TEPSIN: variants seen among roughly 807,000 people sequenced by gnomAD.
The protein encoded by TEPSIN is TEPSIN adaptor related protein complex 4 accessory protein.
TEPSIN carries 50 observed loss-of-function variants against 48.5 expected under a neutral mutation model. The ratio of observed to expected loss-of-function variants is 1.03; its 90% confidence interval spans 0.82 to 1.31. The LOEUF is 1.31. Among genes scored for constraint, TEPSIN ranks in the 50% most tolerant of loss-of-function variants. The pLI, the probability that TEPSIN is intolerant of heterozygous loss-of-function variation, is 0.00. For missense variants in TEPSIN, 838 were observed against 815.9 expected, an observed-to-expected ratio of 1.03 and a Z score of -0.33; for synonymous variants, 392 against 358.8, an observed-to-expected ratio of 1.09 and a Z score of -1.05.
rs1281196949 is a variant in TEPSIN at position 81,229,364 on chromosome 17, G to A, written c.1346C>T (p.Ala449Val). ...LPGPSDLLTD[A>V]VPLPGSQVFL... Reference sequence around the variant, plus strand: ...GACCTGGCTCCCAGGGAGAGGCACAGCGTCGGTCAGCAGGTCAGATGGGCC... The same window carrying A: ...GACCTGGCTCCCAGGGAGAGGCACAACGTCGGTCAGCAGGTCAGATGGGCC... Residue 449 changes from alanine (A) to valine (V), a missense_variant, in exon 13 of 13, where the codon GCT becomes GTT. Transcript: ENST00000637944. 1.9e-6 allele frequency: 3 copies of A among 1,559,826 alleles called. No individual in the cohort carries two copies. The highest frequency in any genetic ancestry group is 2.7e-5 in the African/African-American group (2 of 73,498).
rs890105239 is a variant in TEPSIN, at chr17:81,233,099, C to T, written c.526+333G>A. 36 of 430,878 alleles carry T rather than the reference C, an allele frequency of 8.4e-5. No individual in the cohort carries two copies. Among genetic ancestry groups the T allele is most frequent in the Non-Finnish European group, 1.3e-4 (30 of 238,760 alleles). 26.7% of individuals were successfully genotyped at this position (430,878 alleles called of 1,614,324 possible). On this transcript the variant is annotated intron_variant, in intron 7 of 12. Coordinates refer to ENST00000637944, the MANE Select transcript of TEPSIN (RefSeq NM_001363764.2). The surrounding 1 kb of genome is among the most constrained non-coding windows in gnomAD (Gnocchi z 5.8). ...TGCCCCACCTCATAACAGCTCCACA[C>T]GGGACTGCCTGAGTCACCTGCACCA...
chr17:81,239,055 T>A lies in TEPSIN; in HGVS notation c.-22A>T. The A allele has an allele frequency of 6.7e-7, 1 of 1,484,438 alleles. No individual in the cohort carries two copies. Among genetic ancestry groups the A allele is most frequent in the Non-Finnish European group, 8.9e-7 (1 of 1,123,634 alleles). The allele number at this position is 1,484,438 out of a possible 1,614,324, so 92.0% of individuals were successfully genotyped here. A position where few individuals can be genotyped will look rare whatever the true frequency, so the allele number is the denominator to read the frequency against. The stretch of plus-strand genomic sequence containing the variant: ...CCATGATCCAGGTCCCCTCCCGGTC[T>A]GCCCCGCTTCCGCCAGGCCCGGGCC... On this transcript the variant is annotated 5_prime_UTR_variant, in exon 1 of 13. Coordinates refer to ENST00000637944, the MANE Select transcript of TEPSIN (RefSeq NM_001363764.2).
Position 81,236,711 on chromosome 17 carries a change from C to A in TEPSIN, c.304G>T (p.Ala102Ser), listed in dbSNP as rs2062726681. Reference protein sequence around the residue: ...KRNSAFIQEAAAFAGPPDPLH... With the variant: ...KRNSAFIQEASAFAGPPDPLH... ...AGCGCGTGCGCGGCCCCTGTACCTG[C>A]AGCTTCCTGGATGAAGGCAGAGTTG... Residue 102 changes from alanine (A) to serine (S), a missense_variant, in exon 4 of 13, where the codon GCA (alanine) becomes TCA (serine). By Grantham distance (99) the Ala-to-Ser change is moderately conservative. Transcript: ENST00000637944. The A allele has an allele frequency of 6.4e-7, 1 of 1,561,022 alleles. No homozygotes were observed. The highest frequency in any genetic ancestry group is 1.2e-5 in the South Asian group (1 of 84,702).
intron 4 of TEPSIN, among the ~76,000 whole-genome samples, chr17:81,235,841 C>T (rs913052089): frequency 2.6e-5 from 4 of 152,230 alleles, no homozygotes; most frequent in African/African-American, 9.7e-5. Flanking sequence ...CTGTCTATGG[C>T]GGCCCAGGGC....
At position 81,237,454 on chromosome 17, in the gene TEPSIN, C is replaced by T. The variant is rs748118274; in HGVS notation, c.54G>A (p.Pro18=). 18 of 1,609,068 alleles carry T rather than the reference C, an allele frequency of 1.1e-5. No individual in the cohort carries two copies. The highest frequency in any genetic ancestry group is 2.2e-5 in the East Asian group (1 of 44,826). The change falls in exon 2 of 13, where the codon CCG becomes CCA. Residue 18 remains proline, a synonymous_variant. Coordinates refer to ENST00000637944, the MANE Select transcript of TEPSIN (RefSeq NM_001363764.2). The part of the protein sequence containing the change: ...RDRLSFLHRL[P]ILLKGTSDDD... ...CATCGGACGTCCCCTTCAGGAGAAT[C>T]GGGAGCTGAAAGGGAACAAGAGCCC...
chr17:81,233,837 C>T lies in TEPSIN; in HGVS notation c.376-121G>A, dbSNP rs1361653294. ...TTCTCCTGAGCCACTCAGCTGGACA[C>T]AGGCTCTGTGTCCACCAGCAAGGAG... On this transcript the variant is annotated intron_variant, in intron 5 of 12. Transcript: ENST00000637944. The surrounding 1 kb of genome is among the most constrained non-coding windows in gnomAD (Gnocchi z 5.8). 3 of 1,375,086 alleles carry T rather than the reference C, an allele frequency of 2.2e-6. No individual in the cohort carries two copies. Among genetic ancestry groups the T allele is most frequent in the Admixed American group, 5.2e-5 (2 of 38,718 alleles). 85.2% of individuals were successfully genotyped at this position (1,375,086 alleles called of 1,614,324 possible). A position where few individuals can be genotyped will look rare whatever the true frequency, so the allele number is the denominator to read the frequency against.
intron 2 of TEPSIN, 113 bp from the exon 3 acceptor site, chr17:81,237,184 G>T (rs758885997): frequency 3.2e-6 from 4 of 1,255,344 alleles, no homozygotes; most frequent in Admixed American, 2.1e-5. Context: ...CCTACTGGAG[G>T]CTCTGCCATC....
rs1445430148 is a variant in TEPSIN, at chr17:81,231,988, C to T, written c.764G>A (p.Gly255Asp). The T allele has an allele frequency of 1.2e-6, 2 of 1,611,788 alleles. No individual in the cohort carries two copies. Among genetic ancestry groups the T allele is most frequent in the Non-Finnish European group, 8.5e-7 (1 of 1,179,946 alleles). ...VRHQPGQAGG[G>D]WDELDSGPSS... ...GGGGCCGCTGTCCAGCTCATCCCAG[C>T]CCCCTCCGGCCTGCCCAGGCTGATG... Residue 255 changes from glycine to aspartate, a missense_variant, in exon 9 of 13, where the codon GGC becomes GAC. Physicochemically the swap from Gly to Asp is moderately conservative, Grantham distance 94. Transcript: ENST00000637944.
Position 81,232,502 on chromosome 17 carries a change from G to A in TEPSIN, c.543C>T (p.Ala181=). The A allele has an allele frequency of 6.5e-7, 1 of 1,530,982 alleles. No individual in the cohort carries two copies. Among genetic ancestry groups the A allele is most frequent in the Non-Finnish European group, 8.7e-7 (1 of 1,144,306 alleles). The allele number at this position is 1,530,982 out of a possible 1,614,324, so 94.8% of individuals were successfully genotyped here. Residue 181 remains alanine, a synonymous_variant, in exon 8 of 13, where the codon GCC becomes GCT. Coordinates refer to ENST00000637944, the MANE Select transcript of TEPSIN (RefSeq NM_001363764.2). The part of the protein sequence containing the change: ...EHGRTGSAGE[A]FLSTIQKAAE... ...CGGCCTTCTGGATGGTGGAGAGGAAGGCTTCGCCTGCCGAGCCTGTACCCG... is the reference window on the plus strand; with the variant it reads ...CGGCCTTCTGGATGGTGGAGAGGAAAGCTTCGCCTGCCGAGCCTGTACCCG...
chr17:81,232,880 T>C, intron 7 of TEPSIN: 2 of 249,336 alleles, frequency 8.0e-6, no homozygotes, highest in Non-Finnish European at 1.5e-5. Flanking sequence ...CTGTAGAAGC[T>C]GCCCCGACAC....
intron 7 of TEPSIN, 27 bp from the exon 8 acceptor site, chr17:81,232,545 C>A (rs1013429324): frequency 1.3e-6 from 2 of 1,521,348 alleles, no homozygotes; most frequent in Non-Finnish European, 1.8e-6. Context: ...GGAGATGGGA[C>A]GGCCGCCCAG....
Position 81,233,789 on chromosome 17 carries a change from G to T in TEPSIN, c.376-73C>A. ...TGTACTCACCCTGCCACCCATATCA[G>T]CTCCGTTCTGTCCCCCGGACACTTC... On this transcript the variant is annotated intron_variant, in intron 5 of 12. Transcript: ENST00000637944. The surrounding 1 kb of genome is among the most constrained non-coding windows in gnomAD (Gnocchi z 5.8). 1 of 1,465,822 alleles carries T rather than the reference G, an allele frequency of 6.8e-7. No homozygotes were observed. Among genetic ancestry groups the T allele is most frequent in the Non-Finnish European group, 9.2e-7 (1 of 1,088,300 alleles). The allele number at this position is 1,465,822 out of a possible 1,614,324, so 90.8% of individuals were successfully genotyped here.
Position 81,233,855 on chromosome 17 carries a change from G to T in TEPSIN, c.375+126C>A. On this transcript the variant is annotated intron_variant, in intron 5 of 12. Coordinates refer to ENST00000637944, the MANE Select transcript of TEPSIN (RefSeq NM_001363764.2). The surrounding 1 kb of genome is among the most constrained non-coding windows in gnomAD (Gnocchi z 5.8). ...CTGGACACAGGCTCTGTGTCCACCAGCAAGGAGCAGAGGCAGGGGTCCCGG... is the reference window on the plus strand; with the variant it reads ...CTGGACACAGGCTCTGTGTCCACCATCAAGGAGCAGAGGCAGGGGTCCCGG... The T allele has an allele frequency of 7.3e-7, 1 of 1,364,722 alleles. No homozygotes were observed. The highest frequency in any genetic ancestry group is 9.9e-7 in the Non-Finnish European group (1 of 1,011,876). 84.5% of individuals were successfully genotyped at this position (1,364,722 alleles called of 1,614,324 possible). A position where few individuals can be genotyped will look rare whatever the true frequency, so the allele number is the denominator to read the frequency against.
At position 81,233,618 on chromosome 17, in the gene TEPSIN, CG is replaced by C. The variant is rs780175516; in HGVS notation, c.454+19del. 6.3e-7 allele frequency: 1 copy of C among 1,588,356 alleles called. No homozygotes were observed. The highest frequency in any genetic ancestry group is 2.3e-5 in the East Asian group (1 of 44,102). ...AGAAACCAGGTGCCAGAGCTGGACACGGTCCCCTCAGTCACCTACCTGTGGC... is the reference window on the plus strand; with the variant it reads ...AGAAACCAGGTGCCAGAGCTGGACACGTCCCCTCAGTCACCTACCTGTGGC... On this transcript the variant is annotated intron_variant, in intron 6 of 12. Coordinates refer to ENST00000637944, the MANE Select transcript of TEPSIN (RefSeq NM_001363764.2). The surrounding 1 kb of genome is among the most constrained non-coding windows in gnomAD (Gnocchi z 5.8).
chr17:81,236,562 A>G, intron 4 of TEPSIN, 146 bp downstream of exon 4: 1 of 857,358 alleles, frequency 1.2e-6, no homozygotes, highest in South Asian at 1.7e-5. Flanking sequence ...GAGATGGGCC[A>G]GGATCAGCAA....
rs751513405 is a variant in TEPSIN, at chr17:81,234,446, C to A, written c.308-398G>T. ...AGCCTGAAAGCTCCACCTAGCCCCACCCAACCCCAGTCTCAGCCGCCTCGA... is the reference window on the plus strand; with the variant it reads ...AGCCTGAAAGCTCCACCTAGCCCCAACCAACCCCAGTCTCAGCCGCCTCGA... On this transcript the variant is annotated intron_variant, in intron 4 of 12. Coordinates refer to ENST00000637944, the MANE Select transcript of TEPSIN (RefSeq NM_001363764.2). This position sits in a 1 kb window ranked among gnomAD's most constrained non-coding sequence, Gnocchi z 5.4. Among the ~76,000 whole-genome samples, 18 of 152,214 alleles carry A rather than the reference C, an allele frequency of 1.2e-4. No homozygotes were observed. The South Asian group carries it at 2.7e-3, about 23-fold the overall frequency.
chr17:81,235,157 C>T (rs2062698258), intron 4 of TEPSIN, among the ~76,000 whole-genome samples: 2 of 152,206 alleles, frequency 1.3e-5, no homozygotes, highest in South Asian at 4.1e-4. Context: ...CATAAACATT[C>T]CGAGCTTCTG....
In TEPSIN at chr17:81,234,181, G is replaced by A. The variant is rs982676601; in HGVS notation, c.308-133C>T. On this transcript the variant is annotated intron_variant, in intron 4 of 12. Transcript: ENST00000637944. The surrounding 1 kb of genome is among the most constrained non-coding windows in gnomAD (Gnocchi z 5.4). ...AAGGCCCTTCTGTCACAGCCAATGG[G>A]ATGCCCTCCTCCAGGACCCTGCAGA... 1.4e-6 allele frequency: 1 copy of A among 705,620 alleles called. No homozygotes were observed. Among genetic ancestry groups the A allele is most frequent in the African/African-American group, 1.9e-5 (1 of 53,784 alleles). The allele number at this position is 705,620 out of a possible 1,614,324, so 43.7% of individuals were successfully genotyped here. A position where few individuals can be genotyped will look rare whatever the true frequency, so the allele number is the denominator to read the frequency against.
rs113300423 is a variant in TEPSIN, at chr17:81,232,183, G to C, written c.730+132C>G. 2.5e-3 allele frequency: 3,347 copies of C among 1,313,504 alleles called. 82 individuals carry two copies. The African/African-American group carries it at 0.044, about 17-fold the overall frequency. 81.4% of individuals were successfully genotyped at this position (1,313,504 alleles called of 1,614,324 possible). A position where few individuals can be genotyped will look rare whatever the true frequency, so the allele number is the denominator to read the frequency against. ...CAGCAAACACCAGCCCCATGGGCAT[G>C]TGCTTCCGCCGCGGGTCCCACCCCT... On this transcript the variant is annotated intron_variant, in intron 8 of 12. Transcript: ENST00000637944.
Sources: allele counts gnomAD v4.1 joint callset (sites outside exome capture counted in the v4.1 genomes callset), GRCh38; gene constraint gnomAD v4.1.1; non-coding constraint Gnocchi (gnomAD v3.1); transcripts MANE v1.5; gene names NCBI Gene and HGNC (gene_info 2026-07-23, HGNC 2026-07-21).